ADGRB3: variants seen among roughly 807,000 people sequenced by gnomAD.
ADGRB3 encodes the protein brain-specific angiogenesis inhibitor 3.
In ADGRB3, 37 loss-of-function variants were observed where a neutral mutation model predicts 193.4. The observed-to-expected ratio is 0.19, with a 90% CI of 0.15 to 0.25. The LOEUF is 0.25. Ranked by LOEUF, ADGRB3 falls within the 10% of genes least tolerant of loss-of-function variation. ADGRB3 has a pLI of 1.00. For synonymous variants in ADGRB3, 690 were observed against 644.2 expected (o/e 1.07, Z -1.08); for missense variants, 1,637 against 1,852.9 (o/e 0.88, Z 2.14).
chr6:69,272,883 A>G (rs1767211238), intron 20 of ADGRB3, among the ~76,000 whole-genome samples: 1 of 151,998 alleles, frequency 6.6e-6, no homozygotes, highest in South Asian at 2.1e-4. Flanking sequence ...GTCTTTATCT[A>G]TTTGCTTTAT....
At position 68,850,371 on chromosome 6, in the gene ADGRB3, A is replaced by G. The variant is rs567893387; in HGVS notation, c.758-80188A>G. 1.4e-4 allele frequency among the ~76,000 whole-genome samples: 21 copies of G among 152,062 alleles called. No individual in the cohort carries two copies. In the South Asian group the frequency reaches 4.4e-3, roughly 32 times the overall value. On this transcript the variant is annotated intron_variant, in intron 3 of 31. Coordinates refer to ENST00000370598, the MANE Select transcript of ADGRB3 (RefSeq NM_001704.3). ...TGAATAACATCTTGAATGGTGATAGAATTATTGGGTTACATTTTTGTTACT... is the reference window on the plus strand; with the variant it reads ...TGAATAACATCTTGAATGGTGATAGGATTATTGGGTTACATTTTTGTTACT...
chr6:68,849,830 A>C (rs1158771428), intron 3 of ADGRB3, among the ~76,000 whole-genome samples: 1 of 151,974 alleles, frequency 6.6e-6, no homozygotes, highest in African/African-American at 2.4e-5. Context: ...TTTTTCAATC[A>C]AATGTGTCAA....
chr6:68,946,573 A>G (rs557027249), intron 6 of ADGRB3, among the ~76,000 whole-genome samples: 129 of 152,282 alleles, frequency 8.5e-4, no homozygotes, highest in African/African-American at 3.0e-3. Context: ...AAGCTATCAT[A>G]TTAAAGAATA....
intron 20 of ADGRB3, among the ~76,000 whole-genome samples, chr6:69,276,355 A>G (rs886299404): frequency 1.3e-5 from 2 of 152,260 alleles, no homozygotes; most frequent in Non-Finnish European, 2.9e-5. Flanking sequence ...TTATGAATTC[A>G]GTCTGTGGTC....
intron 20 of ADGRB3, among the ~76,000 whole-genome samples, chr6:69,248,595 G>A (rs1287598327): frequency 1.3e-5 from 2 of 152,202 alleles, no homozygotes. Context: ...AACTTTTGTT[G>A]TAAAGGGCCA....
At chr6:69,360,210 G>T (rs184914589) in intron 28 of ADGRB3, among the ~76,000 whole-genome samples, 1 of 151,640 alleles carries the variant, frequency 6.6e-6, no homozygotes, top group Admixed American at 6.6e-5. Flanking sequence ...TAATATTCCC[G>T]CAAGGGCATT....
intron 6 of ADGRB3, among the ~76,000 whole-genome samples, chr6:68,949,166 T>C (rs1331652450): frequency 1.3e-5 from 2 of 152,076 alleles, no homozygotes; most frequent in Non-Finnish European, 2.9e-5. Context: ...ACTAGGAGTA[T>C]TATGATAATT....
intron 20 of ADGRB3, among the ~76,000 whole-genome samples, chr6:69,243,455 C>A (rs1766425846): frequency 6.6e-6 from 1 of 151,884 alleles, no homozygotes; most frequent in African/African-American, 2.4e-5. Flanking sequence ...TCCTCCTAAT[C>A]CAATGTCTGG....
At chr6:69,148,689 ACTCC>A (rs1420455564) in intron 17 of ADGRB3, among the ~76,000 whole-genome samples, 7 of 151,862 alleles carry the variant, frequency 4.6e-5, no homozygotes, top group Non-Finnish European at 8.8e-5. Flanking sequence ...ATATTACAAA[ACTCC>A]CTTTAGCATG....
chr6:68,683,525 T>C (rs753676395), intron 3 of ADGRB3, among the ~76,000 whole-genome samples: 32 of 152,212 alleles, frequency 2.1e-4, no homozygotes, highest in Non-Finnish European at 4.4e-4. Flanking sequence ...GAATTATGAG[T>C]AATATTTTCC....
chr6:69,256,725 A>C (rs1226253580), intron 20 of ADGRB3, among the ~76,000 whole-genome samples: 1 of 152,216 alleles, frequency 6.6e-6, no homozygotes, highest in East Asian at 1.9e-4. Context: ...CCCTGGCCAG[A>C]ACTTCCAACA....
At chr6:68,784,377 C>A (rs1766918634) in intron 3 of ADGRB3, among the ~76,000 whole-genome samples, 1 of 152,072 alleles carries the variant, frequency 6.6e-6, no homozygotes, top group South Asian at 2.1e-4. Context: ...TCACCTTGAT[C>A]TGAGACAAAT....
chr6:69,333,725 A>G (rs7755689), intron 24 of ADGRB3, among the ~76,000 whole-genome samples: 67,041 of 150,180 alleles, frequency 0.45, 16,992 homozygotes, highest in African/African-American at 0.69. Context: ...TGAGGTGGGC[A>G]GATCACGAGA....
intron 3 of ADGRB3, among the ~76,000 whole-genome samples, chr6:68,804,556 A>G (rs938889869): frequency 6.6e-6 from 1 of 152,148 alleles, no homozygotes; most frequent in African/African-American, 2.4e-5. Flanking sequence ...ATTATAAGTA[A>G]TCACTAATTA....
chr6:69,211,718 T>C (rs1271903096), intron 17 of ADGRB3, among the ~76,000 whole-genome samples: 1 of 152,148 alleles, frequency 6.6e-6, no homozygotes, highest in Non-Finnish European at 1.5e-5. Context: ...ACAGCTATAT[T>C]CCCAGGACCT....
chr6:69,058,868 G>A (rs564795887), intron 15 of ADGRB3, among the ~76,000 whole-genome samples: 92 of 152,068 alleles, frequency 6.0e-4, no homozygotes, highest in African/African-American at 2.1e-3. Context: ...CTTAACATGT[G>A]GTCTATCCTG....
intron 17 of ADGRB3, among the ~76,000 whole-genome samples, chr6:69,080,483 A>G (rs917539435): frequency 2.6e-5 from 4 of 152,008 alleles, no homozygotes; most frequent in African/African-American, 9.7e-5. Flanking sequence ...TACAGGAGCA[A>G]AAAGAACAAG....
intron 3 of ADGRB3, among the ~76,000 whole-genome samples, chr6:68,873,244 C>T (rs896265598): frequency 3.3e-5 from 5 of 151,964 alleles, no homozygotes; most frequent in African/African-American, 1.2e-4. Context: ...GATAAACATG[C>T]TAGCATTGTA....
At chr6:68,716,847 C>T (rs534277632) in intron 3 of ADGRB3, among the ~76,000 whole-genome samples, 2 of 151,702 alleles carry the variant, frequency 1.3e-5, no homozygotes, top group African/African-American at 4.8e-5. Context: ...TCCTCCTGTT[C>T]CCTAGAGATA....
Sources: allele counts gnomAD v4.1 joint callset (sites outside exome capture counted in the v4.1 genomes callset), GRCh38; gene constraint gnomAD v4.1.1; transcripts MANE v1.5; gene names NCBI Gene and HGNC (gene_info 2026-07-23, HGNC 2026-07-21).